Variants in AKAP9 observed in about 807,000 individuals in gnomAD.
The protein encoded by AKAP9 is A-kinase anchoring protein 9.
AKAP9 carries 311 observed loss-of-function variants against 488.5 expected under a neutral mutation model. That is an observed-to-expected ratio of 0.64 (90% CI 0.58 to 0.70). The LOEUF is 0.70. Among genes scored for constraint, AKAP9 ranks in the 30% least tolerant of loss-of-function variants. The probability of loss-of-function intolerance (pLI) is 0.00; values close to 1 mark genes in which losing one functional copy is unlikely to be tolerated. For missense variants in AKAP9, 4,215 were observed against 4,374.5 expected, an observed-to-expected ratio of 0.96 and a Z score of 1.03; for synonymous variants, 1,462 against 1,483.5, an observed-to-expected ratio of 0.99 and a Z score of 0.33.
chr7:91,996,311 T>C (rs1283698527), intron 7 of AKAP9, among the ~76,000 whole-genome samples: 1 of 152,208 alleles, frequency 6.6e-6, no homozygotes, highest in Non-Finnish European at 1.5e-5. Context: ...TTTACATATA[T>C]GTGTATCACA....
rs1806319271 is a variant in AKAP9, at chr7:92,042,725, G to A, written c.5116G>A (p.Asp1706Asn). ...ACAAACATTTAAAGAAAAGGAATTAGACAGAAAACCTGAAGATGTGCCTCC... is the reference window on the plus strand; with the variant it reads ...ACAAACATTTAAAGAAAAGGAATTAAACAGAAAACCTGAAGATGTGCCTCC... ...EEQTFKEKEL[D>N]RKPEDVPPEI... Residue 1706 changes from aspartate to asparagine, a missense_variant, in exon 20 of 50, where the codon GAC becomes AAC. By Grantham distance (23) the Asp-to-Asn change is conservative. Transcript: ENST00000356239. 1.2e-6 allele frequency: 2 copies of A among 1,611,916 alleles called. No individual in the cohort carries two copies. Among genetic ancestry groups the A allele is most frequent in the Non-Finnish European group, 1.7e-6 (2 of 1,178,674 alleles).
intron 18 of AKAP9, chr7:92,041,675 T>C: frequency 4.9e-6 from 1 of 204,694 alleles, no homozygotes; most frequent in Non-Finnish European, 1.0e-5. Context: ...GAGATAACTA[T>C]TAACAGTATT....
At chr7:91,984,353 G>C (rs1584706581) in intron 3 of AKAP9, among the ~76,000 whole-genome samples, 1 of 152,162 alleles carries the variant, frequency 6.6e-6, no homozygotes, top group African/African-American at 2.4e-5. Context: ...CATATGGCTA[G>C]CCAGTTTTCC....
intron 28 of AKAP9, among the ~76,000 whole-genome samples, chr7:92,074,258 C>T (rs11980125): frequency 0.42 from 63,455 of 151,942 alleles, 13,759 homozygotes; most frequent in African/African-American, 0.52. Flanking sequence ...AAAAAACATA[C>T]GAAGAAAAGC....
chr7:92,018,669 T>C (rs1025438767), intron 12 of AKAP9, among the ~76,000 whole-genome samples: 1 of 152,190 alleles, frequency 6.6e-6, no homozygotes, highest in African/African-American at 2.4e-5. Context: ...TGCTTTCTGA[T>C]AACATTTTCT....
intron 8 of AKAP9, among the ~76,000 whole-genome samples, chr7:92,009,878 T>G (rs937846680): frequency 6.6e-6 from 1 of 152,142 alleles, no homozygotes; most frequent in African/African-American, 2.4e-5. Context: ...AAATTTTATT[T>G]TTTATTTTGT....
At chr7:92,064,156 T>C (rs1052940005) in intron 24 of AKAP9, among the ~76,000 whole-genome samples, 1 of 152,160 alleles carries the variant, frequency 6.6e-6, no homozygotes, top group African/African-American at 2.4e-5. Context: ...AAATGCTCCT[T>C]CTAAATCAGG....
At chr7:92,103,373 G>A (rs1203159290) in intron 46 of AKAP9, among the ~76,000 whole-genome samples, 7 of 114,682 alleles carry the variant, frequency 6.1e-5, no homozygotes, top group Non-Finnish European at 8.4e-5. Context: ...CCATGTGACA[G>A]AGTGAGACTC....
At chr7:92,034,245 C>G (rs1329793173) in intron 16 of AKAP9, among the ~76,000 whole-genome samples, 1 of 152,086 alleles carries the variant, frequency 6.6e-6, no homozygotes, top group Admixed American at 6.5e-5. Context: ...GGTCAGGAGA[C>G]TTGACTAGAG....
At chr7:92,066,691 A>T in intron 26 of AKAP9, 145 bp downstream of exon 26, 1 of 1,044,830 alleles carries the variant, frequency 9.6e-7, no homozygotes, top group Middle Eastern at 2.8e-4. Flanking sequence ...CTTAAGCATG[A>T]GAAGGTAATT....
Position 92,027,566 on chromosome 7 carries a change from G to A in AKAP9, c.4149-2329G>A, listed in dbSNP as rs183629674. Among the ~76,000 whole-genome samples the A allele has an allele frequency of 3.9e-3, 579 of 149,836 alleles. 3 individuals are homozygous for A. The highest frequency in any genetic ancestry group is 0.029 in the Middle Eastern group (8 of 274). On this transcript the variant is annotated intron_variant, in intron 14 of 49. Transcript: ENST00000356239. ...CCGGCTGCACCGTCTGGGAGGTGAG[G>A]AGCACCTCTGCCCGGCTGCCCCGTC...
chr7:91,943,492 C>A (rs985573082), intron 1 of AKAP9, among the ~76,000 whole-genome samples: 3 of 152,208 alleles, frequency 2.0e-5, no homozygotes, highest in Non-Finnish European at 1.5e-5. Context: ...GTGACAGTGT[C>A]TGCTCTCAAG....
chr7:92,069,021 G>A (rs190147656), intron 26 of AKAP9, among the ~76,000 whole-genome samples: 289 of 152,080 alleles, frequency 1.9e-3, no homozygotes, highest in African/African-American at 6.5e-3. Flanking sequence ...ATCATTCTTA[G>A]GGAATAGGTC....
chr7:92,057,012 G>A (rs774549592), intron 22 of AKAP9, among the ~76,000 whole-genome samples: 2 of 151,872 alleles, frequency 1.3e-5, no homozygotes, highest in Non-Finnish European at 1.5e-5. Flanking sequence ...TATTGCCCAG[G>A]TTTCTGGAGC....
chr7:91,952,017 G>C (rs1406169329), intron 1 of AKAP9, among the ~76,000 whole-genome samples: 2 of 151,830 alleles, frequency 1.3e-5, no homozygotes, highest in Non-Finnish European at 2.9e-5. Context: ...ATCTTCTCTG[G>C]TTCATCCTAT....
intron 46 of AKAP9, among the ~76,000 whole-genome samples, chr7:92,104,186 ATTTATTT>A (rs1299976543): frequency 1.1e-5 from 1 of 87,326 alleles, no homozygotes; most frequent in African/African-American, 8.4e-5. Flanking sequence ...TTATTTATTT[ATTTATTT>A]TTTTTTTTTT....
chr7:92,018,398 A>G (rs1413786684), intron 12 of AKAP9, among the ~76,000 whole-genome samples: 3 of 59,060 alleles, frequency 5.1e-5, no homozygotes, highest in Non-Finnish European at 9.0e-5. Context: ...AAAATATAAC[A>G]CACACACACA....
chr7:92,033,187 T>A, intron 16 of AKAP9, among the ~76,000 whole-genome samples: 1 of 152,126 alleles, frequency 6.6e-6, no homozygotes, highest in Admixed American at 6.5e-5. Flanking sequence ...AGCACCAAAG[T>A]ACTGGTCAGT....
chr7:92,039,182 G>A (rs1188550787), intron 17 of AKAP9, among the ~76,000 whole-genome samples: 1 of 152,124 alleles, frequency 6.6e-6, no homozygotes, highest in Non-Finnish European at 1.5e-5. Flanking sequence ...GGGATTACAG[G>A]CATGAGCCAC....
Sources: allele counts gnomAD v4.1 joint callset (sites outside exome capture counted in the v4.1 genomes callset), GRCh38; gene constraint gnomAD v4.1.1; transcripts MANE v1.5; gene names NCBI Gene and HGNC (gene_info 2026-07-23, HGNC 2026-07-21).